The following SYN2 variants were observed in gnomAD, a reference collection of about 807,000 sequenced individuals.
SYN2 encodes the protein synapsin-2.
Under a neutral mutation model 50.9 loss-of-function variants are expected in SYN2, and 19 were observed. The observed-to-expected ratio is 0.37, with a 90% CI of 0.26 to 0.55. The LOEUF (loss-of-function observed/expected upper bound fraction) is 0.55, where lower values mean the gene tolerates loss of function less well. SYN2 is among the 20% of genes least tolerant of loss of function. The pLI is 0.81. For missense variants in SYN2, 587 were observed against 576.4 expected (o/e 1.02, Z -0.19); for synonymous variants, 255 against 224.9 (o/e 1.13, Z -1.20).
At chr3:12,144,306 C>T (rs1435427386) in intron 3 of SYN2, among the ~76,000 whole-genome samples, 1 of 152,216 alleles carries the variant, frequency 6.6e-6, no homozygotes, top group African/African-American at 2.4e-5. Flanking sequence ...TGTACCCCTC[C>T]CTAGCCTCCG....
intron 1 of SYN2, among the ~76,000 whole-genome samples, chr3:12,125,857 A>AC (rs71044266): frequency 5.8e-4 from 80 of 137,672 alleles, no homozygotes; most frequent in African/African-American, 1.9e-3. Flanking sequence ...AAAAAAAAAA[A>AC]CCCACAAAAC....
intron 8 of SYN2, 30 bp from the exon 9 acceptor site, chr3:12,168,346 A>G: frequency 6.3e-7 from 1 of 1,594,930 alleles, no homozygotes; most frequent in Non-Finnish European, 8.6e-7. Flanking sequence ...GAATTGCCCC[A>G]GCTTCAGGAC....
At chr3:12,102,935 A>T (rs1466877031) in intron 1 of SYN2, among the ~76,000 whole-genome samples, 2 of 152,162 alleles carry the variant, frequency 1.3e-5, no homozygotes, top group Admixed American at 6.5e-5. Flanking sequence ...TTCCAAAGTG[A>T]TGAGATAAAA....
At chr3:12,153,750 T>C (rs1370403206) in intron 5 of SYN2, 11 of 1,606,676 alleles carry the variant, frequency 6.8e-6, no homozygotes, top group Non-Finnish European at 9.4e-6. Context: ...GTGAGTAGGG[T>C]GTCCTTCTTT....
chr3:12,158,855 G>T lies in SYN2; in HGVS notation c.775-2691G>T, dbSNP rs372880472. ...CTCCCAGGCATGACACTGCAGATCC[G>T]CGACTGAGCCTGTGAGGTCTGGGGG... On this transcript the variant is annotated intron_variant, in intron 5 of 12. Transcript: ENST00000621198. The T allele has an allele frequency of 5.8e-6, 9 of 1,555,324 alleles. No individual in the cohort carries two copies. The South Asian group carries it at 1.1e-4, about 19-fold the overall frequency.
intron 1 of SYN2, among the ~76,000 whole-genome samples, chr3:12,063,542 C>T (rs2125163764): frequency 6.6e-6 from 1 of 152,014 alleles, no homozygotes; most frequent in Middle Eastern, 3.4e-3. Flanking sequence ...AGTGGAAGTT[C>T]ACAGATAAAC....
intron 5 of SYN2, chr3:12,158,809 C>T (rs1338081729): frequency 1.3e-6 from 2 of 1,599,422 alleles, no homozygotes; most frequent in South Asian, 2.2e-5. Context: ...CAACAGCACC[C>T]AGCTTGGCGC....
chr3:12,078,351 A>G (rs553612099), intron 1 of SYN2, among the ~76,000 whole-genome samples: 2 of 151,694 alleles, frequency 1.3e-5, no homozygotes, highest in South Asian at 4.2e-4. Context: ...CTTTTGTTGC[A>G]ATTGCTTTCA....
rs1697283414 is a variant in SYN2, at chr3:12,151,290, C to T, written c.738C>T (p.Leu246=). The T allele has an allele frequency of 6.2e-7, 1 of 1,613,402 alleles. No homozygotes were observed. The highest frequency in any genetic ancestry group is 8.5e-7 in the Non-Finnish European group (1 of 1,179,756). Residue 246 remains leucine (L), a synonymous_variant, in exon 5 of 13, where the codon CTC becomes CTT. Transcript: ENST00000621198. ...CACTGGGAGGAGAAAAGTTCCCTCT[C>T]ATTGAACAGACATACTACCCCAACC... ...YKTLGGEKFP[L]IEQTYYPNHK...
intron 4 of SYN2, chr3:12,148,546 T>C (rs1276059938): frequency 6.6e-6 from 1 of 152,158 alleles, no homozygotes; most frequent in East Asian, 1.9e-4. Flanking sequence ...CACAGCTGTG[T>C]CTCTGAGCAC....
At chr3:12,046,817 G>C (rs557750775) in intron 1 of SYN2, among the ~76,000 whole-genome samples, 3 of 152,268 alleles carry the variant, frequency 2.0e-5, no homozygotes, top group East Asian at 3.9e-4. Flanking sequence ...ATGACGACTA[G>C]GTTTCTGACT....
At chr3:12,031,728 G>T (rs1399252149) in intron 1 of SYN2, among the ~76,000 whole-genome samples, 1 of 29,680 alleles carries the variant, frequency 3.4e-5, no homozygotes. Context: ...TTTTCCATTT[G>T]CTTGGTAGAT....
At chr3:12,080,598 T>C (rs532845306) in intron 1 of SYN2, among the ~76,000 whole-genome samples, 39 of 152,294 alleles carry the variant, frequency 2.6e-4, no homozygotes, top group African/African-American at 8.4e-4. Context: ...TCAGTTTCCA[T>C]GTAGTTGTGT....
At chr3:12,010,175 G>A (rs909612033) in intron 1 of SYN2, among the ~76,000 whole-genome samples, 2 of 152,218 alleles carry the variant, frequency 1.3e-5, no homozygotes, top group Admixed American at 1.3e-4. Context: ...AATAAAGTTA[G>A]TAGGACTGTG....
intron 1 of SYN2, among the ~76,000 whole-genome samples, chr3:12,085,352 T>TAC (rs55795895): frequency 1.9e-4 from 29 of 149,382 alleles, no homozygotes; most frequent in African/African-American, 2.7e-4. Flanking sequence ...TGTTATGGAA[T>TAC]ACACACACAC....
At chr3:12,051,293 A>G (rs1346536735) in intron 1 of SYN2, among the ~76,000 whole-genome samples, 1 of 152,102 alleles carries the variant, frequency 6.6e-6, no homozygotes, top group African/African-American at 2.4e-5. Context: ...GCAAGGGGAA[A>G]TGTGTCAATT....
chr3:12,077,299 CT>C lies in SYN2; in HGVS notation c.378-63343del, dbSNP rs58485371. ...TCAAACCTTGCATAGAATTTTTTTC[CT>C]TTTTTTTTAAAAAAAAATTATTTTT... On this transcript the variant is annotated intron_variant, in intron 1 of 12. Coordinates refer to ENST00000621198, the MANE Select transcript of SYN2 (RefSeq NM_133625.6). 7.7e-3 allele frequency among the ~76,000 whole-genome samples: 1,170 copies of C among 151,124 alleles called. 11 individuals are homozygous for C. Among genetic ancestry groups the C allele is most frequent in the African/African-American group, 0.027 (1,110 of 41,244 alleles).
Position 12,114,885 on chromosome 3 carries a change from CATG to C in SYN2, c.378-25764_378-25762del, listed in dbSNP as rs1452479566. Among the ~76,000 whole-genome samples the C allele has an allele frequency of 2.0e-5, 3 of 152,302 alleles. No individual in the cohort carries two copies. In the East Asian group the frequency reaches 5.8e-4, roughly 29 times the overall value. ...GTGCACTCACCAGGCTCCAAGCTAA[CATG>C]AGAGCTTTCTATTAACCACAACTCC... is the stretch of plus-strand genomic sequence containing the variant. On this transcript the variant is annotated intron_variant, in intron 1 of 12. Transcript: ENST00000621198.
chr3:12,140,264 C>G (rs1696983352), intron 1 of SYN2, among the ~76,000 whole-genome samples: 1 of 152,008 alleles, frequency 6.6e-6, no homozygotes, highest in Admixed American at 6.5e-5. Flanking sequence ...GGGTGGATAC[C>G]AAATAGAAAA....
Sources: allele counts gnomAD v4.1 joint callset (sites outside exome capture counted in the v4.1 genomes callset), GRCh38; gene constraint gnomAD v4.1.1; transcripts MANE v1.5; gene names NCBI Gene and HGNC (gene_info 2026-07-23, HGNC 2026-07-21).